Variants in MRTFA observed in about 807,000 individuals in gnomAD.
The protein encoded by MRTFA is myocardin-related transcription factor A.
Under a neutral mutation model 83.5 loss-of-function variants are expected in MRTFA, and 20 were observed. The observed-to-expected ratio is 0.24, with a 90% CI of 0.17 to 0.35. MRTFA has a LOEUF of 0.35. MRTFA is among the 10% of genes least tolerant of loss of function. The pLI is 1.00. For missense variants in MRTFA, 1,200 were observed against 1,224.7 expected (o/e 0.98, Z 0.30); for synonymous variants, 659 against 541.2 (o/e 1.22, Z -3.02).
chr22:40,580,024 A>G (rs897986569), intron 2 of MRTFA, among the ~76,000 whole-genome samples: 1 of 152,222 alleles, frequency 6.6e-6, no homozygotes, highest in Non-Finnish European at 1.5e-5. Context: ...TAAAATATGG[A>G]CAAGTGGTGA....
intron 1 of MRTFA, among the ~76,000 whole-genome samples, chr22:40,599,538 ACAAG>A (rs2056233219): frequency 6.6e-6 from 1 of 152,174 alleles, no homozygotes; most frequent in Non-Finnish European, 1.5e-5. Context: ...CTTCTTTCAA[ACAAG>A]CACTTCTTTG....
chr22:40,593,424 G>C (rs1024508655), intron 2 of MRTFA, among the ~76,000 whole-genome samples: 5 of 151,966 alleles, frequency 3.3e-5, no homozygotes, highest in African/African-American at 1.2e-4. Context: ...AATAAAAGTT[G>C]GTACCTTTCT....
At chr22:40,454,820 G>T (rs890689945) in intron 4 of MRTFA, among the ~76,000 whole-genome samples, 1 of 152,150 alleles carries the variant, frequency 6.6e-6, no homozygotes, top group Non-Finnish European at 1.5e-5. Context: ...TTGAGACAGG[G>T]TCTTGCTCTG....
At chr22:40,582,962 G>A (rs1220610927) in intron 2 of MRTFA, among the ~76,000 whole-genome samples, 1 of 152,168 alleles carries the variant, frequency 6.6e-6, no homozygotes, top group African/African-American at 2.4e-5. Context: ...GCAATGCTAA[G>A]AGTCTCACTG....
intron 3 of MRTFA, among the ~76,000 whole-genome samples, chr22:40,491,766 C>T (rs1055030476): frequency 6.6e-6 from 1 of 152,152 alleles, no homozygotes; most frequent in Non-Finnish European, 1.5e-5. Context: ...GTGAAACATC[C>T]TAATCACTGT....
intron 1 of MRTFA, among the ~76,000 whole-genome samples, chr22:40,613,532 G>A (rs1268985591): frequency 1.3e-5 from 2 of 152,056 alleles, no homozygotes; most frequent in Non-Finnish European, 2.9e-5. Flanking sequence ...CATTCTAATG[G>A]GAATAAAATG....
chr22:40,442,685 A>G (rs904848498), intron 4 of MRTFA, among the ~76,000 whole-genome samples: 8 of 152,276 alleles, frequency 5.3e-5, no homozygotes, highest in Non-Finnish European at 7.3e-5. Flanking sequence ...GATGGAAGTA[A>G]AACAGTAGTG....
chr22:40,574,440 A>ATTATTTTTTT (rs764460675), intron 2 of MRTFA, among the ~76,000 whole-genome samples: 1 of 147,728 alleles, frequency 6.8e-6, no homozygotes, highest in East Asian at 2.0e-4. Context: ...TATTATTATT[A>ATTATTTTTTT]TTTTTTTTTT....
chr22:40,590,687 A>AG lies in MRTFA; in HGVS notation c.-22+3986_-22+3987insC, dbSNP rs1271176700. Among the ~76,000 whole-genome samples, 3 of 151,924 alleles carry AG rather than the reference A, an allele frequency of 2.0e-5. No homozygotes were observed. In the East Asian group the frequency reaches 5.8e-4, roughly 29 times the overall value. ...GACTCTGTCTCAAAAAAAGAAAAAAAAAAAAAAAAGGAAAAGCTCAAGTGT... is the reference window on the plus strand; with the variant it reads ...GACTCTGTCTCAAAAAAAGAAAAAAAGAAAAAAAAAGGAAAAGCTCAAGTGT... On this transcript the variant is annotated intron_variant, in intron 2 of 14. Coordinates refer to ENST00000355630, the MANE Select transcript of MRTFA (RefSeq NM_020831.6).
chr22:40,560,471 T>TA (rs1245079678), intron 2 of MRTFA, among the ~76,000 whole-genome samples: 1 of 152,202 alleles, frequency 6.6e-6, no homozygotes, highest in Admixed American at 6.5e-5. Context: ...GCCCACAGGA[T>TA]AAAATCTCGT....
intron 1 of MRTFA, among the ~76,000 whole-genome samples, chr22:40,620,406 G>A (rs1219615828): frequency 6.7e-6 from 1 of 148,906 alleles, no homozygotes; most frequent in Non-Finnish European, 1.5e-5. Context: ...TTACAGGCGT[G>A]AGCCACAACA....
At chr22:40,457,371 A>G (rs1309800577) in intron 4 of MRTFA, among the ~76,000 whole-genome samples, 4 of 151,620 alleles carry the variant, frequency 2.6e-5, no homozygotes, top group African/African-American at 9.7e-5. Context: ...TTTTGTCAAG[A>G]AAGAAAGGAA....
intron 2 of MRTFA, chr22:40,569,181 G>A (rs1054915433): frequency 6.5e-6 from 1 of 153,964 alleles, no homozygotes; most frequent in Non-Finnish European, 1.5e-5. Context: ...GAGCTCAGGA[G>A]TTTGAGGCTG....
At chr22:40,462,809 G>C (rs1214374162) in intron 4 of MRTFA, among the ~76,000 whole-genome samples, 1 of 152,146 alleles carries the variant, frequency 6.6e-6, no homozygotes, top group East Asian at 1.9e-4. Flanking sequence ...CCAGAAAAGA[G>C]GTTTCTCTTC....
chr22:40,495,892 T>C (rs1257199687), intron 3 of MRTFA, among the ~76,000 whole-genome samples: 2 of 147,654 alleles, frequency 1.4e-5, no homozygotes, highest in Non-Finnish European at 3.0e-5. Flanking sequence ...ATGGTGAAAC[T>C]CGGTCTCTAC....
At chr22:40,434,425 C>G (rs896849437) in intron 5 of MRTFA, among the ~76,000 whole-genome samples, 1 of 151,146 alleles carries the variant, frequency 6.6e-6, no homozygotes, top group Non-Finnish European at 1.5e-5. Flanking sequence ...TTCTGAGACT[C>G]TAAAATAGCT....
At chr22:40,587,317 T>TG in intron 2 of MRTFA, 1 of 456,400 alleles carries the variant, frequency 2.2e-6, no homozygotes, top group East Asian at 6.2e-5. Flanking sequence ...TCAGTTTGCT[T>TG]ACATTAAGCA....
intron 2 of MRTFA, among the ~76,000 whole-genome samples, chr22:40,562,733 G>GA (rs1418324164): frequency 2.4e-5 from 2 of 85,078 alleles, no homozygotes; most frequent in African/African-American, 9.3e-5. Flanking sequence ...AAGGGGGAAG[G>GA]GGGGAAGGGG....
chr22:40,474,568 T>C (rs1033865960), intron 3 of MRTFA, among the ~76,000 whole-genome samples: 11 of 152,306 alleles, frequency 7.2e-5, no homozygotes, highest in Middle Eastern at 3.4e-3. Context: ...CCATGCCTTA[T>C]TCAGTTCTTC....
Sources: gnomAD v4.1 joint callset for allele counts (sites outside exome capture counted in the v4.1 genomes callset) on GRCh38, gnomAD v4.1.1 for gene constraint, MANE v1.5 for transcripts, NCBI Gene and HGNC (gene_info 2026-07-23, HGNC 2026-07-21) for gene names.